Variants in HPCAL1 observed in about 807,000 individuals in gnomAD.
HPCAL1 encodes hippocalcin like 1, also known as hippocalcin-like protein 1.
A neutral mutation model predicts 17.1 loss-of-function variants in HPCAL1; 8 were observed. That is an observed-to-expected ratio of 0.47 (90% CI 0.27 to 0.84). The LOEUF is 0.84. Among genes scored for constraint, HPCAL1 ranks in the 40% least tolerant of loss-of-function variants. The pLI is 0.13. For synonymous variants in HPCAL1, 112 were observed against 111.4 expected, an observed-to-expected ratio of 1.01 and a Z score of -0.03; for missense variants, 165 against 271.1, an observed-to-expected ratio of 0.61 and a Z score of 2.75.
intron 1 of HPCAL1, among the ~76,000 whole-genome samples, chr2:10,336,646 G>A (rs1333266769): frequency 3.3e-5 from 5 of 152,186 alleles, no homozygotes; most frequent in Admixed American, 6.5e-5. Context: ...GCTCTATGAC[G>A]TTGTCCCTCA....
intron 1 of HPCAL1, among the ~76,000 whole-genome samples, chr2:10,326,341 G>A (rs773626157): frequency 1.3e-5 from 2 of 152,250 alleles, no homozygotes; most frequent in Admixed American, 6.5e-5. Context: ...ACAGAAGGCG[G>A]GAGGTGGCTT....
intron 1 of HPCAL1, among the ~76,000 whole-genome samples, chr2:10,305,988 C>T (rs1662598340): frequency 6.6e-6 from 1 of 152,212 alleles, no homozygotes; most frequent in African/African-American, 2.4e-5. Flanking sequence ...ACAGTGCATG[C>T]CCTGCTGAGT....
At chr2:10,406,834 C>T (rs889743884) in intron 2 of HPCAL1, among the ~76,000 whole-genome samples, 1 of 152,230 alleles carries the variant, frequency 6.6e-6, no homozygotes, top group Admixed American at 6.5e-5. Context: ...TGCCTTTGAG[C>T]TTCCTTTTCC....
intron 1 of HPCAL1, among the ~76,000 whole-genome samples, chr2:10,337,502 A>G (rs1416787079): frequency 1.3e-5 from 2 of 152,192 alleles, no homozygotes; most frequent in Non-Finnish European, 2.9e-5. Flanking sequence ...CTATAACAGC[A>G]TATCTAGCTT....
At chr2:10,313,896 G>GT (rs1418693830) in intron 1 of HPCAL1, among the ~76,000 whole-genome samples, 1 of 152,212 alleles carries the variant, frequency 6.6e-6, no homozygotes, top group African/African-American at 2.4e-5. Flanking sequence ...ACTTTGGGAG[G>GT]CTGAGGCGGG....
At chr2:10,329,781 T>C (rs997542665) in intron 1 of HPCAL1, among the ~76,000 whole-genome samples, 3 of 152,166 alleles carry the variant, frequency 2.0e-5, no homozygotes, top group Non-Finnish European at 1.5e-5. Context: ...GGGCCTGGGT[T>C]GGGGCTCCCA....
rs1278203400 is a variant in HPCAL1 at position 10,399,510 on chromosome 2, ACCG to A, written c.-25+2596_-25+2598del. Among the ~76,000 whole-genome samples, 54 of 133,464 alleles carry A rather than the reference ACCG, an allele frequency of 4.0e-4. 1 individual carries two copies. Among genetic ancestry groups the A allele is most frequent in the Non-Finnish European group, 6.1e-4 (38 of 62,404 alleles). The allele number at this position is 133,464 out of a possible 152,430, so 87.6% of individuals were successfully genotyped here. ...CACCGCCACCATCACCATCACCACC[ACCG>A]CCGCCACCACCGCCACTGCCACCGC... On this transcript the variant is annotated intron_variant, in intron 2 of 4. Coordinates refer to ENST00000307845, the MANE Select transcript of HPCAL1 (RefSeq NM_002149.4).
chr2:10,324,988 ATT>A (rs70948884), intron 1 of HPCAL1, among the ~76,000 whole-genome samples: 5,035 of 136,920 alleles, frequency 0.037, 302 homozygotes, highest in African/African-American at 0.13. Flanking sequence ...ACGCCCAGCA[ATT>A]TTTTTTTTTT....
chr2:10,342,992 G>A lies in HPCAL1; in HGVS notation c.-111+39815G>A, dbSNP rs1279993942. 6.6e-6 allele frequency among the ~76,000 whole-genome samples: 1 copy of A among 152,146 alleles called. No homozygotes were observed. The highest frequency in any genetic ancestry group is 1.5e-5 in the Non-Finnish European group (1 of 68,024). ...TTTGAAGCTTCTGTCTTCTGTGTGG[G>A]ATATCAGTGCCCTGCCAGCTGTTGC... On this transcript the variant is annotated intron_variant, in intron 1 of 4. Transcript: ENST00000307845. This position sits in a 1 kb window ranked among gnomAD's most constrained non-coding sequence, Gnocchi z 4.1.
intron 2 of HPCAL1, among the ~76,000 whole-genome samples, chr2:10,415,239 G>A (rs754644976): frequency 2.2e-4 from 33 of 151,924 alleles, no homozygotes; most frequent in Non-Finnish European, 8.8e-5. Flanking sequence ...TGTGCCTCAC[G>A]CTGCCTGGGA....
intron 1 of HPCAL1, among the ~76,000 whole-genome samples, chr2:10,315,029 C>T (rs4081663): frequency 0.78 from 117,568 of 151,530 alleles, 46,134 homozygotes; most frequent in East Asian, 0.99. Context: ...CGGTGGCTCA[C>T]GCCTGTAATC....
chr2:10,325,800 C>T (rs923573012), intron 1 of HPCAL1, among the ~76,000 whole-genome samples: 10 of 152,224 alleles, frequency 6.6e-5, no homozygotes, highest in Admixed American at 3.3e-4. Context: ...TGTCTTTGCA[C>T]CTCGGTCCTG....
intron 1 of HPCAL1, among the ~76,000 whole-genome samples, chr2:10,396,039 C>T (rs752685334): frequency 5.3e-5 from 8 of 152,140 alleles, no homozygotes; most frequent in African/African-American, 1.7e-4. Context: ...GTTCACGCCA[C>T]GTGAAAGGTG....
At chr2:10,386,456 G>C (rs560376016) in intron 1 of HPCAL1, among the ~76,000 whole-genome samples, 12 of 152,280 alleles carry the variant, frequency 7.9e-5, no homozygotes, top group African/African-American at 2.6e-4. Context: ...CCTGGCTGCA[G>C]ATGCTGGGCA....
At chr2:10,402,320 C>T (rs755330739) in intron 2 of HPCAL1, among the ~76,000 whole-genome samples, 1 of 152,198 alleles carries the variant, frequency 6.6e-6, no homozygotes, top group South Asian at 2.1e-4. Flanking sequence ...AGCATTGTGG[C>T]CTGCATGTAA....
At chr2:10,329,413 C>G (rs137944392) in intron 1 of HPCAL1, among the ~76,000 whole-genome samples, 1 of 151,904 alleles carries the variant, frequency 6.6e-6, no homozygotes, top group African/African-American at 2.4e-5. Flanking sequence ...GCAGTGAGCC[C>G]GAGGGAGGTG....
chr2:10,303,330 C>T (rs73161225), intron 1 of HPCAL1, among the ~76,000 whole-genome samples, 153 bp downstream of exon 1: 3,123 of 152,256 alleles, frequency 0.021, 98 homozygotes, highest in African/African-American at 0.06. Flanking sequence ...TTTCTCTGCG[C>T]GGTGGAGTTG....
At position 10,304,796 on chromosome 2, in the gene HPCAL1, G is replaced by A. The variant is rs1053271552; in HGVS notation, c.-111+1619G>A. On this transcript the variant is annotated intron_variant, in intron 1 of 4. Transcript: ENST00000307845. This position sits in a 1 kb window ranked among gnomAD's most constrained non-coding sequence, Gnocchi z 4.1. ...TGTCTTTCTCTGGGGGAAAAAAATCGCCTTTAACCAAGGGAGCCAAGATCT... is the reference window on the plus strand; with the variant it reads ...TGTCTTTCTCTGGGGGAAAAAAATCACCTTTAACCAAGGGAGCCAAGATCT... 6.6e-6 allele frequency among the ~76,000 whole-genome samples: 1 copy of A among 152,084 alleles called. No individual in the cohort carries two copies. The highest frequency in any genetic ancestry group is 2.4e-5 in the African/African-American group (1 of 41,402).
intron 1 of HPCAL1, among the ~76,000 whole-genome samples, chr2:10,376,684 G>T (rs1393779620): frequency 2.6e-5 from 4 of 152,054 alleles, no homozygotes; most frequent in South Asian, 2.1e-4. Context: ...TGATCTGCCC[G>T]CCTCGGCTTC....
Sources: allele counts gnomAD v4.1 joint callset (sites outside exome capture counted in the v4.1 genomes callset), GRCh38; gene constraint gnomAD v4.1.1; non-coding constraint Gnocchi (gnomAD v3.1); transcripts MANE v1.5; gene names NCBI Gene and HGNC (gene_info 2026-07-23, HGNC 2026-07-21).